The following SLC16A10 variants were observed in gnomAD, a reference collection of about 807,000 sequenced individuals.
SLC16A10 encodes solute carrier family 16 member 10, also known as monocarboxylate transporter 10.
SLC16A10 carries 27 observed loss-of-function variants against 40.0 expected under a neutral mutation model. That is an observed-to-expected ratio of 0.67 (90% confidence interval 0.50 to 0.93). The LOEUF is 0.93. Among genes scored for constraint, SLC16A10 ranks in the 40% least tolerant of loss-of-function variants. The probability of loss-of-function intolerance (pLI) is 0.00; values close to 1 mark genes in which losing one functional copy is unlikely to be tolerated. For missense variants in SLC16A10, 529 were observed against 658.2 expected (o/e 0.80, Z 2.15); for synonymous variants, 213 against 249.8 (o/e 0.85, Z 1.39).
chr6:111,100,982 C>CTATATA (rs1771170813), intron 1 of SLC16A10, among the ~76,000 whole-genome samples: 1 of 116,614 alleles, frequency 8.6e-6, no homozygotes, highest in Non-Finnish European at 1.7e-5. Flanking sequence ...CTCTCTCTCT[C>CTATATA]TCTCTCTCTC....
At chr6:111,151,611 G>A (rs574566765) in intron 1 of SLC16A10, among the ~76,000 whole-genome samples, 4 of 152,226 alleles carry the variant, frequency 2.6e-5, no homozygotes, top group South Asian at 2.1e-4. Context: ...CTAAAATACC[G>A]TTTGATCATG....
At chr6:111,108,482 C>G (rs56381513) in intron 1 of SLC16A10, among the ~76,000 whole-genome samples, 15,417 of 152,196 alleles carry the variant, frequency 0.1, 1,029 homozygotes, top group Middle Eastern at 0.17. Flanking sequence ...GGACTAATGG[C>G]TGGTATCAAC....
In SLC16A10 at chr6:111,209,405, T is replaced by G. The variant is rs553027163; in HGVS notation, c.1086+2670T>G. 3.3e-5 allele frequency among the ~76,000 whole-genome samples: 5 copies of G among 152,324 alleles called. No homozygotes were observed. The South Asian group carries it at 1.0e-3, about 32-fold the overall frequency. On this transcript the variant is annotated intron_variant, in intron 4 of 5. Transcript: ENST00000368851. ...GCTCAGGTAATGGAGTAGATGATTT[T>G]GCCATCTTATCAAGATCAATATGCA...
chr6:111,213,711 T>C (rs547814142), intron 4 of SLC16A10, among the ~76,000 whole-genome samples: 1 of 152,218 alleles, frequency 6.6e-6, no homozygotes, highest in African/African-American at 2.4e-5. Flanking sequence ...GAAGTGAGAG[T>C]AACCATGTGC....
chr6:111,140,292 A>G lies in SLC16A10; in HGVS notation c.344-32403A>G, dbSNP rs373529168. The stretch of plus-strand genomic sequence containing the variant: ...AGCCCAGGCAACATAGCAGAACCCC[A>G]TCTCTTCAAAAAGTACAAAAATTAG... On this transcript the variant is annotated intron_variant, in intron 1 of 5. Coordinates refer to ENST00000368851, the MANE Select transcript of SLC16A10 (RefSeq NM_018593.5). Among the ~76,000 whole-genome samples, 5 of 151,946 alleles carry G rather than the reference A, an allele frequency of 3.3e-5. No homozygotes were observed. The East Asian group carries it at 9.6e-4, about 29-fold the overall frequency.
At position 111,219,273 on chromosome 6, in the gene SLC16A10, A is replaced by C; in HGVS notation, c.1315+231A>C. 1.3e-5 allele frequency among the ~76,000 whole-genome samples: 2 copies of C among 152,054 alleles called. 1 individual carries two copies. ...ACTGGCAGCTAAAACACTATATAAA[A>C]CACTTTGGGAGGCTGAGGCGGGAAG... is the stretch of plus-strand genomic sequence containing the variant. On this transcript the variant is annotated intron_variant, in intron 5 of 5. Transcript: ENST00000368851.
chr6:111,110,058 T>C (rs1465053046), intron 1 of SLC16A10, among the ~76,000 whole-genome samples: 1 of 152,160 alleles, frequency 6.6e-6, no homozygotes, highest in Non-Finnish European at 1.5e-5. Context: ...TTTAGAGGAT[T>C]GGATGAATAG....
At position 111,219,000 on chromosome 6, in the gene SLC16A10, G is replaced by A. The variant is rs1452691883; in HGVS notation, c.1273G>A (p.Gly425Arg). 4 of 1,614,022 alleles carry A rather than the reference G, an allele frequency of 2.5e-6. No homozygotes were observed. The highest frequency in any genetic ancestry group is 1.3e-5 in the African/African-American group (1 of 74,992). ...DVSQAIGFLL[G>R]FMSIPMTVGP... ...CTCCCAAGCAATTGGATTTCTGCTC[G>A]GATTCATGTCTATACCCATGACTGT... Residue 425 changes from glycine to arginine, a missense_variant, in exon 5 of 6, where the codon GGA becomes AGA. Gly to Arg is a moderately radical substitution (Grantham distance 125). Coordinates refer to ENST00000368851, the MANE Select transcript of SLC16A10 (RefSeq NM_018593.5).
intron 1 of SLC16A10, among the ~76,000 whole-genome samples, chr6:111,128,614 C>A (rs188544058): frequency 6.6e-6 from 1 of 152,080 alleles, no homozygotes; most frequent in African/African-American, 2.4e-5. Context: ...GTGTGCCACT[C>A]GAAGTCGGAT....
chr6:111,210,818 C>T (rs1344228826), intron 4 of SLC16A10, among the ~76,000 whole-genome samples: 2 of 152,108 alleles, frequency 1.3e-5, no homozygotes, highest in East Asian at 1.9e-4. Flanking sequence ...TGGCGGATCA[C>T]GAGGTCAGGA....
intron 1 of SLC16A10, among the ~76,000 whole-genome samples, chr6:111,095,030 T>C (rs1317806532): frequency 6.6e-6 from 1 of 152,212 alleles, no homozygotes; most frequent in African/African-American, 2.4e-5. Context: ...TTCTAAAAGA[T>C]TGGACCATAT....
At chr6:111,151,468 G>A (rs1481587681) in intron 1 of SLC16A10, among the ~76,000 whole-genome samples, 1 of 152,008 alleles carries the variant, frequency 6.6e-6, no homozygotes, top group Non-Finnish European at 1.5e-5. Flanking sequence ...TCTCAAATCG[G>A]TCTCCTTGGA....
At chr6:111,206,924 G>A (rs1263812077) in intron 4 of SLC16A10, among the ~76,000 whole-genome samples, 189 bp downstream of exon 4, 1 of 152,070 alleles carries the variant, frequency 6.6e-6, no homozygotes, top group African/African-American at 2.4e-5. Context: ...CACCTCCCGG[G>A]TTCAAGGGAT....
chr6:111,113,228 C>T (rs1032207608), intron 1 of SLC16A10, among the ~76,000 whole-genome samples: 21 of 151,994 alleles, frequency 1.4e-4, no homozygotes, highest in African/African-American at 4.8e-4. Flanking sequence ...TTTTTTTCAA[C>T]TGGCTTATGG....
intron 1 of SLC16A10, among the ~76,000 whole-genome samples, chr6:111,137,953 G>T (rs983715668): frequency 2.0e-5 from 3 of 152,180 alleles, no homozygotes; most frequent in Non-Finnish European, 4.4e-5. Context: ...GAGAGCACAG[G>T]GGGAGGGACA....
At chr6:111,196,526 A>G (rs1463998145) in intron 3 of SLC16A10, among the ~76,000 whole-genome samples, 1 of 152,112 alleles carries the variant, frequency 6.6e-6, no homozygotes, top group African/African-American at 2.4e-5. Context: ...AACAAAATAC[A>G]GGCTGGGCTC....
intron 1 of SLC16A10, among the ~76,000 whole-genome samples, chr6:111,161,672 A>G (rs112915470): frequency 3.9e-5 from 6 of 152,240 alleles, no homozygotes; most frequent in African/African-American, 1.4e-4. Context: ...TGAAAATGAG[A>G]AGACAACCAG....
At chr6:111,099,638 A>T (rs995403792) in intron 1 of SLC16A10, among the ~76,000 whole-genome samples, 1 of 152,120 alleles carries the variant, frequency 6.6e-6, no homozygotes, top group African/African-American at 2.4e-5. Context: ...TAATCTAAAA[A>T]TCCTATTTTG....
intron 3 of SLC16A10, 117 bp downstream of exon 3, chr6:111,177,782 G>C: frequency 3.3e-6 from 3 of 922,974 alleles, no homozygotes; most frequent in Non-Finnish European, 4.6e-6. Flanking sequence ...TTGTAATTTT[G>C]GTATTCTTGA....
Sources: allele counts gnomAD v4.1 joint callset (sites outside exome capture counted in the v4.1 genomes callset), GRCh38; gene constraint gnomAD v4.1.1; transcripts MANE v1.5; gene names NCBI Gene and HGNC (gene_info 2026-07-23, HGNC 2026-07-21).